PCDH9: variants seen among roughly 807,000 people sequenced by gnomAD.
PCDH9 encodes protocadherin-9.
PCDH9 carries 24 observed loss-of-function variants against 70.6 expected under a neutral mutation model. The ratio of observed to expected loss-of-function variants is 0.34; its 90% CI spans 0.25 to 0.48. The LOEUF is 0.48. Among genes scored for constraint, PCDH9 ranks in the 20% least tolerant of loss-of-function variants. The pLI, the probability that PCDH9 is intolerant of heterozygous loss-of-function variation, is 0.99. For synonymous variants in PCDH9, 562 were observed against 558.5 expected (o/e 1.01, Z -0.09); for missense variants, 1,281 against 1,503.6 (o/e 0.85, Z 2.45).
At chr13:66,806,459 C>T (rs2139351304) in intron 3 of PCDH9, among the ~76,000 whole-genome samples, 1 of 152,118 alleles carries the variant, frequency 6.6e-6, no homozygotes, top group East Asian at 1.9e-4. Flanking sequence ...TGGAACAGGC[C>T]CATCTGCTGA....
chr13:66,837,453 CCA>C (rs2081040820), intron 3 of PCDH9, among the ~76,000 whole-genome samples: 1 of 152,094 alleles, frequency 6.6e-6, no homozygotes, highest in Admixed American at 6.6e-5. Flanking sequence ...CAGCCTGGCT[CCA>C]AAGACCCTGC....
chr13:66,460,721 G>A (rs1958407366), intron 4 of PCDH9, among the ~76,000 whole-genome samples: 1 of 151,762 alleles, frequency 6.6e-6, no homozygotes. Flanking sequence ...TCAGTGGAGA[G>A]ACAAGTATAG....
chr13:67,025,624 T>A (rs1481910986), intron 2 of PCDH9, among the ~76,000 whole-genome samples: 1 of 152,108 alleles, frequency 6.6e-6, no homozygotes, highest in African/African-American at 2.4e-5. Context: ...TAAAAGTCAT[T>A]CCATTTCAAA....
At chr13:66,938,816 G>A (rs760988483) in intron 2 of PCDH9, among the ~76,000 whole-genome samples, 15 of 151,944 alleles carry the variant, frequency 9.9e-5, no homozygotes, top group African/African-American at 2.2e-4. Flanking sequence ...TTACTTGTCC[G>A]TCTACATGCA....
At chr13:66,473,973 A>T (rs192993001) in intron 4 of PCDH9, among the ~76,000 whole-genome samples, 1 of 152,318 alleles carries the variant, frequency 6.6e-6, no homozygotes, top group Non-Finnish European at 1.5e-5. Context: ...ATATGTGTAT[A>T]GCAACAATAA....
At chr13:66,840,503 T>C (rs1244476929) in intron 3 of PCDH9, among the ~76,000 whole-genome samples, 2 of 152,346 alleles carry the variant, frequency 1.3e-5, no homozygotes, top group African/African-American at 4.8e-5. Flanking sequence ...ATTTAACGTA[T>C]CTATCTTATT....
At chr13:66,546,557 T>C (rs1362583162) in intron 4 of PCDH9, among the ~76,000 whole-genome samples, 1 of 152,216 alleles carries the variant, frequency 6.6e-6, no homozygotes, top group African/African-American at 2.4e-5. Context: ...TTAAAAAAGA[T>C]TGAAAGTTTA....
intron 3 of PCDH9, among the ~76,000 whole-genome samples, chr13:66,822,951 A>G (rs2080741169): frequency 6.6e-6 from 1 of 152,104 alleles, no homozygotes; most frequent in African/African-American, 2.4e-5. Context: ...TTGCTAATAT[A>G]TTTGTGTATA....
intron 2 of PCDH9, among the ~76,000 whole-genome samples, chr13:67,150,527 T>A (rs1224545371): frequency 6.6e-6 from 1 of 152,206 alleles, no homozygotes; most frequent in African/African-American, 2.4e-5. Context: ...AGTTTTCATA[T>A]TCATTTCAAT....
intron 3 of PCDH9, among the ~76,000 whole-genome samples, chr13:66,816,777 G>A (rs576637538): frequency 6.6e-5 from 10 of 152,032 alleles, no homozygotes; most frequent in Admixed American, 3.9e-4. Context: ...AAAAGTAGCC[G>A]GGCGCAGTGG....
At chr13:67,076,777 T>A (rs992586197) in intron 2 of PCDH9, among the ~76,000 whole-genome samples, 4 of 152,170 alleles carry the variant, frequency 2.6e-5, no homozygotes, top group Non-Finnish European at 4.4e-5. Context: ...TATATTTTAT[T>A]TATTCCAAAC....
chr13:67,085,836 T>A (rs1004388551), intron 2 of PCDH9, among the ~76,000 whole-genome samples: 2 of 152,224 alleles, frequency 1.3e-5, no homozygotes, highest in Admixed American at 1.3e-4. Context: ...TAGCATTTTC[T>A]TATTAGCCTA....
Position 66,919,254 on chromosome 13 carries a change from AC to A in PCDH9, c.3037-15650del, listed in dbSNP as rs2082603193. On this transcript the variant is annotated intron_variant, in intron 2 of 4. Transcript: ENST00000377865. ...CTAATTGTTCTATGCTTCATCCCAA[AC>A]AAACAAAATATTTTTTGCTAAATAT... Among the ~76,000 whole-genome samples, 3 of 151,400 alleles carry A rather than the reference AC, an allele frequency of 2.0e-5. No individual in the cohort carries two copies. The South Asian group carries it at 6.2e-4, about 31-fold the overall frequency.
intron 2 of PCDH9, among the ~76,000 whole-genome samples, chr13:66,968,389 A>G (rs1482746459): frequency 1.3e-5 from 2 of 152,024 alleles, no homozygotes; most frequent in Admixed American, 6.6e-5. Context: ...CCAAGATTCC[A>G]TTAGCTTTTC....
At chr13:67,071,512 C>T (rs2085761427) in intron 2 of PCDH9, among the ~76,000 whole-genome samples, 2 of 152,116 alleles carry the variant, frequency 1.3e-5, no homozygotes, top group Non-Finnish European at 2.9e-5. Context: ...AGCAAACTTA[C>T]TTTTAACAAT....
intron 4 of PCDH9, among the ~76,000 whole-genome samples, chr13:66,380,721 T>G (rs1956833657): frequency 6.6e-6 from 1 of 152,004 alleles, no homozygotes; most frequent in Admixed American, 6.5e-5. Context: ...TTTTTTGTAT[T>G]TTTAGTGGAG....
chr13:66,950,333 G>C (rs1247938040), intron 2 of PCDH9, among the ~76,000 whole-genome samples: 1 of 152,066 alleles, frequency 6.6e-6, no homozygotes, highest in Non-Finnish European at 1.5e-5. Context: ...ATTTACAGAT[G>C]TGAAGCTTAT....
chr13:66,957,175 C>T (rs1236806633), intron 2 of PCDH9, among the ~76,000 whole-genome samples: 3 of 152,312 alleles, frequency 2.0e-5, no homozygotes, highest in African/African-American at 7.2e-5. Flanking sequence ...GCAGTCACAT[C>T]ACACTATTGA....
At position 67,026,159 on chromosome 13, in the gene PCDH9, G is replaced by A. The variant is rs7992217; in HGVS notation, c.3037-122554C>T. On this transcript the variant is annotated intron_variant, in intron 2 of 4. Transcript: ENST00000377865. The stretch of plus-strand genomic sequence containing the variant: ...TGCTGGATTACATTTATTGATTTGC[G>A]TATATTGAACCAGCCTTGCATCCCA... Among the ~76,000 whole-genome samples the A allele has an allele frequency of 5.8e-3, 887 of 152,166 alleles. 9 individuals are homozygous for A. The highest frequency in any genetic ancestry group is 0.018 in the African/African-American group (759 of 41,524).
Sources: gnomAD v4.1 joint callset for allele counts (sites outside exome capture counted in the v4.1 genomes callset) on GRCh38, gnomAD v4.1.1 for gene constraint, MANE v1.5 for transcripts, NCBI Gene and HGNC (gene_info 2026-07-23, HGNC 2026-07-21) for gene names.